Variants in AAMDC observed in about 807,000 individuals in gnomAD.
AAMDC encodes the protein adipogenesis associated Mth938 domain containing, also known as mth938 domain-containing protein.
A neutral mutation model predicts 15.5 loss-of-function variants in AAMDC; 16 were observed. That is an observed-to-expected ratio of 1.03 (90% confidence interval 0.70 to 1.57). The LOEUF is 1.57. AAMDC is among the 40% of genes most tolerant of loss of function. The pLI is 0.00. For synonymous variants in AAMDC, 51 were observed against 51.6 expected, an observed-to-expected ratio of 0.99 and a Z score of 0.05; for missense variants, 141 against 144.9, an observed-to-expected ratio of 0.97 and a Z score of 0.14.
At chr11:77,867,182 A>G (rs1307085738) in intron 2 of AAMDC, among the ~76,000 whole-genome samples, 2 of 152,154 alleles carry the variant, frequency 1.3e-5, no homozygotes, top group Non-Finnish European at 2.9e-5. Context: ...TCCTATCTCC[A>G]TAACGTCTCA....
At chr11:77,835,503 A>G (rs1949643224) in intron 1 of AAMDC, among the ~76,000 whole-genome samples, 1 of 152,166 alleles carries the variant, frequency 6.6e-6, no homozygotes, top group South Asian at 2.1e-4. Context: ...TCTAAATCAG[A>G]CTCATCTTCC....
intron 5 of AAMDC, chr11:77,884,047 G>C: frequency 2.4e-6 from 3 of 1,271,892 alleles, no homozygotes; most frequent in Non-Finnish European, 3.3e-6. Flanking sequence ...AACACAAGAA[G>C]AAACATGACA....
At chr11:77,875,992 G>A (rs905579842), downstream of AAMDC, among the ~76,000 whole-genome samples, 17 of 152,318 alleles carry the variant, frequency 1.1e-4, no homozygotes, top group African/African-American at 4.1e-4. Flanking sequence ...CCTGGGATGA[G>A]CAGTGATCCA....
chr11:77,885,659 A>G (rs1021100034), intron 5 of AAMDC, among the ~76,000 whole-genome samples: 1 of 151,920 alleles, frequency 6.6e-6, no homozygotes, highest in Non-Finnish European at 1.5e-5. Context: ...TCTCTACTAA[A>G]AATACAAAAA....
At chr11:77,873,092 C>T (rs611671), downstream of AAMDC, among the ~76,000 whole-genome samples, 60,280 of 152,024 alleles carry the variant, frequency 0.4, 12,499 homozygotes, top group African/African-American at 0.5. Context: ...GAACTACAAG[C>T]TATCAGCATC....
intron 2 of AAMDC, among the ~76,000 whole-genome samples, chr11:77,865,293 A>G (rs1235930289): frequency 6.6e-6 from 1 of 152,232 alleles, no homozygotes; most frequent in Non-Finnish European, 1.5e-5. Flanking sequence ...TCTTTCTCTC[A>G]TAAATTATTG....
intron 2 of AAMDC, chr11:77,866,842 CTT>C (rs1346571601): frequency 3.3e-5 from 5 of 151,096 alleles, no homozygotes; most frequent in African/African-American, 1.2e-4. Context: ...TCTTTTTTTT[CTT>C]TTTCCTTTTT....
At chr11:77,850,288 C>CA (rs1950318250) in intron 2 of AAMDC, among the ~76,000 whole-genome samples, 1 of 152,144 alleles carries the variant, frequency 6.6e-6, no homozygotes, top group Non-Finnish European at 1.5e-5. Flanking sequence ...CTTTACCAGT[C>CA]ATTAAAACAA....
Position 77,842,523 on chromosome 11 carries a change from A to T in AAMDC, c.27A>T (p.Leu9Phe), listed in dbSNP as rs987121517. 7 of 1,613,894 alleles carry T rather than the reference A, an allele frequency of 4.3e-6. No homozygotes were observed. The African/African-American group carries it at 5.3e-5, about 12-fold the overall frequency. MTSPEIAS[L>F]SWGQMKVKGS... The stretch of plus-strand genomic sequence containing the variant: ...TGACTTCCCCTGAAATTGCTTCCTT[A>T]TCATGGGGGCAAATGAAAGTAAAAG... Residue 9 changes from leucine (L) to phenylalanine (F), a missense_variant, in exon 2 of 4, where the codon TTA becomes TTT. By Grantham distance (22) the Leu-to-Phe change is conservative. Coordinates refer to ENST00000393427, the MANE Select transcript of AAMDC (RefSeq NM_024684.4).
At chr11:77,882,868 C>T (rs964861419) in intron 5 of AAMDC, among the ~76,000 whole-genome samples, 3 of 152,102 alleles carry the variant, frequency 2.0e-5, no homozygotes, top group Non-Finnish European at 4.4e-5. Flanking sequence ...GTCAGGAGTT[C>T]GAGACTAGCT....
chr11:77,905,089 T>G (rs538550186), downstream of AAMDC, among the ~76,000 whole-genome samples: 1 of 152,260 alleles, frequency 6.6e-6, no homozygotes, highest in Admixed American at 6.5e-5. Context: ...CTGAGTGTAC[T>G]AAGTGGAGAC....
At chr11:77,842,444 A>G (rs767656748) in intron 1 of AAMDC, 35 bp from the exon 2 acceptor site, 3 of 1,592,670 alleles carry the variant, frequency 1.9e-6, no homozygotes, top group Admixed American at 3.5e-5. Context: ...GCCTTACTTT[A>G]TAACTGATTT....
chr11:77,846,505 G>C (rs1405866392), intron 2 of AAMDC, among the ~76,000 whole-genome samples: 1 of 152,138 alleles, frequency 6.6e-6, no homozygotes, highest in Non-Finnish European at 1.5e-5. Context: ...TCAGGAGTTC[G>C]AGAGCAGCCT....
downstream of AAMDC, among the ~76,000 whole-genome samples, chr11:77,873,362 C>T (rs1180481637): frequency 6.6e-6 from 1 of 152,192 alleles, no homozygotes. Flanking sequence ...CCACTGTTGT[C>T]CTTATCTTTC....
chr11:77,858,645 A>C (rs1565208796), intron 2 of AAMDC, among the ~76,000 whole-genome samples: 1 of 151,848 alleles, frequency 6.6e-6, no homozygotes, highest in South Asian at 2.1e-4. Flanking sequence ...CAACAGGAAA[A>C]CCCAAGTGCT....
chr11:77,842,153 A>G (rs1741082762), intron 1 of AAMDC, among the ~76,000 whole-genome samples: 1 of 152,070 alleles, frequency 6.6e-6, no homozygotes, highest in African/African-American at 2.4e-5. Context: ...TTCTAGCTTT[A>G]TAGTTTCTTC....
chr11:77,853,582 G>T (rs1231874196), intron 2 of AAMDC, among the ~76,000 whole-genome samples: 1 of 152,084 alleles, frequency 6.6e-6, no homozygotes, highest in Admixed American at 6.6e-5. Flanking sequence ...TTTGGTCAGG[G>T]ACACAAATTC....
At chr11:77,854,066 C>A (rs571033653) in intron 2 of AAMDC, among the ~76,000 whole-genome samples, 55 of 149,756 alleles carry the variant, frequency 3.7e-4, no homozygotes, top group South Asian at 8.4e-4. Context: ...TCTTGGCTCA[C>A]TGCAACCTCC....
intron 5 of AAMDC, among the ~76,000 whole-genome samples, chr11:77,893,049 G>A (rs1341542454): frequency 6.6e-6 from 1 of 152,118 alleles, no homozygotes; most frequent in Non-Finnish European, 1.5e-5. Context: ...ATGAGGGCAG[G>A]GACAATGAGC....
Sources: gnomAD v4.1 joint callset for allele counts (sites outside exome capture counted in the v4.1 genomes callset) on GRCh38, gnomAD v4.1.1 for gene constraint, MANE v1.5 for transcripts, NCBI Gene and HGNC (gene_info 2026-07-23, HGNC 2026-07-21) for gene names.